PGAP4: variants seen among roughly 807,000 people sequenced by gnomAD.
PGAP4 encodes the protein GPI-N-acetylgalactosamine transferase PGAP4.
Under a neutral mutation model 28.2 loss-of-function variants are expected in PGAP4, and 12 were observed. That is an observed-to-expected ratio of 0.42 (90% confidence interval 0.27 to 0.69). The LOEUF (loss-of-function observed/expected upper bound fraction) is 0.69. Ranked by LOEUF, PGAP4 falls within the 30% of genes least tolerant of loss-of-function variation. PGAP4 has a pLI of 0.22. For synonymous variants in PGAP4, 205 were observed against 211.8 expected, an observed-to-expected ratio of 0.97 and a Z score of 0.28; for missense variants, 425 against 513.5, an observed-to-expected ratio of 0.83 and a Z score of 1.67.
In PGAP4 at chr9:101,476,829, G is replaced by A. The variant is rs1474359655; in HGVS notation, c.264C>T (p.Gly88=). The change falls in exon 2 of 2, where the codon GGC becomes GGT. Residue 88 remains glycine (G), a synonymous_variant. Transcript: ENST00000374848. The surrounding 1 kb of genome is among the most constrained non-coding windows in gnomAD (Gnocchi z 7.0). ...TGGCCTGCCAGACAATGGGCACTGA[G>A]CCATTGGCAGAGGGAAGCTCCTCAA... ...HYFEELPSAN[G]SVPIVWQATP... 3.1e-6 allele frequency: 5 copies of A among 1,609,170 alleles called. No homozygotes were observed. The highest frequency in any genetic ancestry group is 2.7e-5 in the African/African-American group (2 of 74,876).
chr9:101,529,215 G>C (rs1478059710), intron 2 of PGAP4, among the ~76,000 whole-genome samples: 1 of 150,106 alleles, frequency 6.7e-6, no homozygotes, highest in African/African-American at 2.5e-5. Flanking sequence ...GAGTGCAATG[G>C]TGTGATCTCG....
At chr9:101,496,860 T>C (rs1167443845) in intron 2 of PGAP4, among the ~76,000 whole-genome samples, 1 of 150,682 alleles carries the variant, frequency 6.6e-6, no homozygotes, top group Non-Finnish European at 1.5e-5. Flanking sequence ...TTTTTTAATC[T>C]ATATTTTGAA....
chr9:101,495,759 G>C (rs1488979183), intron 2 of PGAP4, among the ~76,000 whole-genome samples: 4 of 150,120 alleles, frequency 2.7e-5, no homozygotes, highest in East Asian at 3.9e-4. Flanking sequence ...CCAAAACCTA[G>C]TAAATTCAAT....
intron 2 of PGAP4, among the ~76,000 whole-genome samples, chr9:101,525,131 T>A (rs1827024206): frequency 6.6e-6 from 1 of 152,238 alleles, no homozygotes; most frequent in Non-Finnish European, 1.5e-5. Flanking sequence ...AGATTCCCAG[T>A]AATGGGATTG....
chr9:101,485,832 A>G (rs1408296531), intron 1 of PGAP4, among the ~76,000 whole-genome samples: 1 of 152,072 alleles, frequency 6.6e-6, no homozygotes, highest in Non-Finnish European at 1.5e-5. Flanking sequence ...GTGTATCCTT[A>G]CAACATTCTA....
intron 2 of PGAP4, among the ~76,000 whole-genome samples, chr9:101,511,094 G>T (rs1826894198): frequency 1.3e-5 from 2 of 152,158 alleles, no homozygotes; most frequent in Admixed American, 1.3e-4. Flanking sequence ...TTCTCATAAG[G>T]AGCATGAAAC....
Position 101,476,388 on chromosome 9 carries a change from T to C in PGAP4, c.705A>G (p.Pro235=). The C allele has an allele frequency of 6.2e-7, 1 of 1,614,046 alleles. No individual in the cohort carries two copies. Among genetic ancestry groups the C allele is most frequent in the South Asian group, 1.1e-5 (1 of 91,068 alleles). Residue 235 remains proline, a synonymous_variant, in exon 2 of 2, where the codon CCA becomes CCG. Transcript: ENST00000374848. The surrounding 1 kb of genome is among the most constrained non-coding windows in gnomAD (Gnocchi z 7.0). ...EHLLRARFSE[P]HLRDALYLKL... is the part of the protein sequence containing the mutation. ...TGAGATAAAGGGCATCTCTGAGATG[T>C]GGCTCAGAGAAGCGAGCCCGCAGAA...
At chr9:101,530,440 C>T (rs886906514) in intron 2 of PGAP4, among the ~76,000 whole-genome samples, 3 of 152,144 alleles carry the variant, frequency 2.0e-5, no homozygotes, top group Non-Finnish European at 4.4e-5. Context: ...AAAAAGATTA[C>T]TATTTGCTTA....
chr9:101,476,379 T>C lies in PGAP4; in HGVS notation c.714A>G (p.Arg238=), dbSNP rs1239305656. 1 of 1,614,022 alleles carries C rather than the reference T, an allele frequency of 6.2e-7. No individual in the cohort carries two copies. The highest frequency in any genetic ancestry group is 1.7e-5 in the Admixed American group (1 of 60,010). The stretch of plus-strand genomic sequence containing the variant: ...GATACAGCTTGAGATAAAGGGCATC[T>C]CTGAGATGTGGCTCAGAGAAGCGAG... ...LRARFSEPHL[R]DALYLKLYHP... The change falls in exon 2 of 2, where the codon AGA becomes AGG. Residue 238 remains arginine (R), a synonymous_variant. Transcript: ENST00000374848. The surrounding 1 kb of genome is among the most constrained non-coding windows in gnomAD (Gnocchi z 7.0).
At chr9:101,485,073 T>C (rs1000852577) in intron 1 of PGAP4, among the ~76,000 whole-genome samples, 1 of 152,154 alleles carries the variant, frequency 6.6e-6, no homozygotes, top group East Asian at 1.9e-4. Flanking sequence ...ATTTTTAAAT[T>C]TGTGATTTAA....
chr9:101,504,711 T>C (rs1001697137), intron 2 of PGAP4, among the ~76,000 whole-genome samples: 3 of 152,112 alleles, frequency 2.0e-5, no homozygotes, highest in African/African-American at 7.2e-5. Context: ...GCAATTGCAG[T>C]AAATGGCAGT....
chr9:101,515,088 C>T (rs1314813304), intron 2 of PGAP4, among the ~76,000 whole-genome samples: 2 of 152,162 alleles, frequency 1.3e-5, no homozygotes, highest in Non-Finnish European at 1.5e-5. Context: ...TTCAAAACAA[C>T]ACAAATTTAT....
intron 2 of PGAP4, among the ~76,000 whole-genome samples, chr9:101,523,348 C>A (rs1827004787): frequency 6.6e-6 from 1 of 152,018 alleles, no homozygotes. Flanking sequence ...ATTATTCATT[C>A]TTAGTTTTGG....
chr9:101,527,664 G>A (rs1271537704), intron 2 of PGAP4, among the ~76,000 whole-genome samples: 1 of 152,142 alleles, frequency 6.6e-6, no homozygotes, highest in Non-Finnish European at 1.5e-5. Flanking sequence ...TATTTTAATT[G>A]TAATGTTAAA....
rs983153269 is a variant in PGAP4, at chr9:101,475,799, G to A, written c.*82C>T. ...AACAACAGTAAACAGTGAAATACCT[G>A]CAGGCAACCATGTCTAAATAAAGAG... On this transcript the variant is annotated 3_prime_UTR_variant, in exon 2 of 2. Coordinates refer to ENST00000374848, the MANE Select transcript of PGAP4 (RefSeq NM_032342.3). The A allele has an allele frequency of 2.8e-6, 4 of 1,410,804 alleles. No homozygotes were observed. The Admixed American group carries it at 8.0e-5, about 28-fold the overall frequency. The allele number at this position is 1,410,804 out of a possible 1,614,324, so 87.4% of individuals were successfully genotyped here. A position where few individuals can be genotyped will look rare whatever the true frequency, so the allele number is the denominator to read the frequency against.
intron 2 of PGAP4, among the ~76,000 whole-genome samples, chr9:101,506,798 C>T (rs1411758144): frequency 1.3e-5 from 2 of 152,062 alleles, no homozygotes; most frequent in Non-Finnish European, 2.9e-5. Context: ...AAGTCTTGAG[C>T]CAATAATAGA....
At chr9:101,488,242 A>G (rs531481260), upstream of PGAP4, among the ~76,000 whole-genome samples, 1 of 152,316 alleles carries the variant, frequency 6.6e-6, no homozygotes, top group Non-Finnish European at 1.5e-5. Flanking sequence ...ATTTGTCATT[A>G]GGAATGCTGG....
intron 2 of PGAP4, among the ~76,000 whole-genome samples, chr9:101,496,554 CTT>C (rs1005224679): frequency 1.3e-5 from 2 of 151,214 alleles, no homozygotes; most frequent in African/African-American, 4.8e-5. Flanking sequence ...TTTAGAAAGA[CTT>C]TTAAATAATT....
At chr9:101,520,705 T>C (rs993478458) in intron 2 of PGAP4, among the ~76,000 whole-genome samples, 2 of 152,190 alleles carry the variant, frequency 1.3e-5, no homozygotes, top group East Asian at 3.9e-4. Flanking sequence ...TGGATGCCCC[T>C]TATTTCTTTC....
Sources: allele counts gnomAD v4.1 joint callset (sites outside exome capture counted in the v4.1 genomes callset), GRCh38; gene constraint gnomAD v4.1.1; non-coding constraint Gnocchi (gnomAD v3.1); transcripts MANE v1.5; gene names NCBI Gene and HGNC (gene_info 2026-07-23, HGNC 2026-07-21).